Variants in CHCHD3 observed in about 807,000 individuals in gnomAD.
CHCHD3 encodes the protein MICOS complex subunit MIC19.
In CHCHD3, 20 loss-of-function variants were observed where a neutral mutation model predicts 38.2. The observed-to-expected ratio is 0.52, with a 90% CI of 0.37 to 0.76. The LOEUF (loss-of-function observed/expected upper bound fraction) is 0.76, where lower values mean the gene tolerates loss of function less well. Among genes scored for constraint, CHCHD3 ranks in the 30% least tolerant of loss-of-function variants. The pLI is 0.00. For missense variants in CHCHD3, 245 were observed against 279.2 expected, an observed-to-expected ratio of 0.88 and a Z score of 0.87; for synonymous variants, 82 against 100.0, an observed-to-expected ratio of 0.82 and a Z score of 1.07.
Position 132,845,311 on chromosome 7 carries a change from G to A in CHCHD3, c.454-6842C>T, listed in dbSNP as rs575811277. On this transcript the variant is annotated intron_variant, in intron 5 of 7. Transcript: ENST00000262570. ...CTATTATTAAAAATTATTTGAACAGGGGGAAAAAAACTGTATAGTGTGGGG... is the reference window on the plus strand; with the variant it reads ...CTATTATTAAAAATTATTTGAACAGAGGGAAAAAAACTGTATAGTGTGGGG... 5.3e-5 allele frequency among the ~76,000 whole-genome samples: 8 copies of A among 152,064 alleles called. No homozygotes were observed. The South Asian group carries it at 1.7e-3, about 32-fold the overall frequency.
intron 2 of CHCHD3, among the ~76,000 whole-genome samples, chr7:133,026,790 C>T (rs10248077): frequency 0.44 from 66,428 of 151,992 alleles, 15,195 homozygotes; most frequent in African/African-American, 0.57. Flanking sequence ...TCACCTGCTA[C>T]ATCCATTCAT....
intron 6 of CHCHD3, among the ~76,000 whole-genome samples, chr7:132,821,747 CTTTTTTTTTTTTTT>C (rs71178063): frequency 1.0e-5 from 1 of 100,284 alleles, no homozygotes; most frequent in African/African-American, 4.5e-5. Flanking sequence ...GCACTCAAAT[CTTTTTTTTTTTTTT>C]TTTTTTTTTT....
At chr7:132,990,983 A>ACACACAC (rs1562931405) in intron 3 of CHCHD3, among the ~76,000 whole-genome samples, 11 of 80,176 alleles carry the variant, frequency 1.4e-4, no homozygotes, top group African/African-American at 5.4e-4. Context: ...CACACACACA[A>ACACACAC]CCTAACTCAT....
intron 2 of CHCHD3, among the ~76,000 whole-genome samples, chr7:133,048,736 G>T (rs1392093113): frequency 6.6e-6 from 1 of 152,140 alleles, no homozygotes; most frequent in Non-Finnish European, 1.5e-5. Context: ...GAGAACAGCA[G>T]TAACATAGAA....
chr7:133,062,849 A>C (rs1303829951), intron 2 of CHCHD3, among the ~76,000 whole-genome samples: 1 of 152,162 alleles, frequency 6.6e-6, no homozygotes, highest in Non-Finnish European at 1.5e-5. Flanking sequence ...CACCAATGCA[A>C]AGTCCCTGCA....
chr7:132,982,047 G>A (rs1811931641), intron 3 of CHCHD3, among the ~76,000 whole-genome samples: 1 of 152,122 alleles, frequency 6.6e-6, no homozygotes, highest in Non-Finnish European at 1.5e-5. Context: ...CAGCATTCAA[G>A]ATACTGTTTA....
At chr7:132,970,562 T>G (rs1349966113) in intron 4 of CHCHD3, among the ~76,000 whole-genome samples, 1 of 152,224 alleles carries the variant, frequency 6.6e-6, no homozygotes, top group African/African-American at 2.4e-5. Flanking sequence ...CTTAGCATTT[T>G]TAAACATTAT....
intron 2 of CHCHD3, among the ~76,000 whole-genome samples, chr7:133,032,115 G>A (rs1349806168): frequency 6.6e-6 from 1 of 152,070 alleles, no homozygotes; most frequent in Non-Finnish European, 1.5e-5. Context: ...AAGATGACTA[G>A]GATAAATCTC....
intron 6 of CHCHD3, among the ~76,000 whole-genome samples, chr7:132,809,141 T>TG (rs56279606): frequency 2.7e-5 from 4 of 150,074 alleles, no homozygotes; most frequent in Non-Finnish European, 5.9e-5. Flanking sequence ...TTTTTTTTTT[T>TG]GCTGAGATGG....
At chr7:132,843,178 C>A (rs1202288509) in intron 5 of CHCHD3, among the ~76,000 whole-genome samples, 1 of 152,156 alleles carries the variant, frequency 6.6e-6, no homozygotes, top group African/African-American at 2.4e-5. Flanking sequence ...GCTAGGATCA[C>A]AGGGGCACAT....
intron 4 of CHCHD3, among the ~76,000 whole-genome samples, chr7:132,890,063 C>A (rs913343622): frequency 6.6e-6 from 1 of 152,058 alleles, no homozygotes; most frequent in African/African-American, 2.4e-5. Flanking sequence ...TTGCCAGATT[C>A]GGGATAACGT....
intron 6 of CHCHD3, among the ~76,000 whole-genome samples, chr7:132,798,649 AAGG>A (rs1157979382): frequency 6.6e-6 from 1 of 152,074 alleles, no homozygotes; most frequent in East Asian, 1.9e-4. Context: ...AAGCAGGGGG[AAGG>A]AGGTGAGGAG....
Position 132,838,480 on chromosome 7 carries a change from A to T in CHCHD3, c.454-11T>A, listed in dbSNP as rs1394721093. Reference sequence around the variant, plus strand: ...GTAGAACTCTGAGCTCTGTGGACAAAGATTGATAGCAAAGGTTTCACTATC... The same window carrying T: ...GTAGAACTCTGAGCTCTGTGGACAATGATTGATAGCAAAGGTTTCACTATC... On this transcript the variant is annotated splice_polypyrimidine_tract_variant and intron_variant, in intron 5 of 7. Transcript: ENST00000262570. 2 of 1,595,262 alleles carry T rather than the reference A, an allele frequency of 1.3e-6. No homozygotes were observed. The highest frequency in any genetic ancestry group is 1.3e-5 in the African/African-American group (1 of 74,438).
In CHCHD3 at chr7:132,827,172, A is replaced by G. The variant is rs1807528342; in HGVS notation, c.524+11227T>C. ...TACAGATAGAAACTGGGAATTCCCA[A>G]TATTTGGGGTATATTTTTTCTTAAT... On this transcript the variant is annotated intron_variant, in intron 6 of 7. Transcript: ENST00000262570. 2.0e-5 allele frequency among the ~76,000 whole-genome samples: 3 copies of G among 152,172 alleles called. No individual in the cohort carries two copies. The South Asian group carries it at 6.2e-4, about 32-fold the overall frequency.
rs567927322 is a variant in CHCHD3, at chr7:132,953,276, C to A, written c.369+21893G>T. Among the ~76,000 whole-genome samples the A allele has an allele frequency of 3.9e-5, 6 of 152,286 alleles. No homozygotes were observed. The South Asian group carries it at 1.2e-3, about 32-fold the overall frequency. On this transcript the variant is annotated intron_variant, in intron 4 of 7. Coordinates refer to ENST00000262570, the MANE Select transcript of CHCHD3 (RefSeq NM_017812.4). ...ATGAAGACTCTGAAGGTGCCAGCCACAGCATGGAGAAACAGAGCCTGTCAC... is the reference window on the plus strand; with the variant it reads ...ATGAAGACTCTGAAGGTGCCAGCCAAAGCATGGAGAAACAGAGCCTGTCAC...
intron 5 of CHCHD3, among the ~76,000 whole-genome samples, chr7:132,860,289 ATAG>A (rs879874097): frequency 0.025 from 2,658 of 105,306 alleles, 31 homozygotes; most frequent in Non-Finnish European, 0.031. Context: ...ATTTTTTTTT[ATAG>A]ATAGATAGAT....
chr7:132,833,961 A>G (rs951443278), intron 6 of CHCHD3, among the ~76,000 whole-genome samples: 1 of 152,162 alleles, frequency 6.6e-6, no homozygotes, highest in Non-Finnish European at 1.5e-5. Flanking sequence ...TCCTACTTTC[A>G]TCAGATACAA....
chr7:132,916,252 C>A (rs908342761), intron 4 of CHCHD3, among the ~76,000 whole-genome samples: 2 of 152,034 alleles, frequency 1.3e-5, no homozygotes, highest in African/African-American at 4.8e-5. Context: ...CTGGGTCTAC[C>A]ATGAAAGTGC....
intron 2 of CHCHD3, among the ~76,000 whole-genome samples, chr7:133,034,129 A>C (rs899056391): frequency 8.5e-5 from 13 of 152,210 alleles, no homozygotes; most frequent in African/African-American, 2.9e-4. Context: ...AATTATCTAC[A>C]CAGGATAGCG....
Sources: allele counts gnomAD v4.1 joint callset (sites outside exome capture counted in the v4.1 genomes callset), GRCh38; gene constraint gnomAD v4.1.1; transcripts MANE v1.5; gene names NCBI Gene and HGNC (gene_info 2026-07-23, HGNC 2026-07-21).